Variants in DOCK5 observed in about 807,000 individuals in gnomAD.
DOCK5 encodes dedicator of cytokinesis 5, also known as dedicator of cytokinesis protein 5.
DOCK5 carries 142 observed loss-of-function variants against 251.8 expected under a neutral mutation model. That is an observed-to-expected ratio of 0.56 (90% CI 0.49 to 0.65). DOCK5 has a LOEUF of 0.65. Among genes scored for constraint, DOCK5 ranks in the 30% least tolerant of loss-of-function variants. The pLI, the probability that DOCK5 is intolerant of heterozygous loss-of-function variation, is 0.00. For synonymous variants in DOCK5, 842 were observed against 835.5 expected (o/e 1.01, Z -0.13); for missense variants, 2,111 against 2,312.3 (o/e 0.91, Z 1.79).
At chr8:25,259,804 G>A (rs1302949016) in intron 2 of DOCK5, among the ~76,000 whole-genome samples, 1 of 152,174 alleles carries the variant, frequency 6.6e-6, no homozygotes, top group East Asian at 1.9e-4. Flanking sequence ...TGAGCTGTGA[G>A]TTCTTTCCAA....
chr8:25,302,308 T>C lies in DOCK5; in HGVS notation c.847-17T>C. The stretch of plus-strand genomic sequence containing the variant: ...GGTCCAGCCCCACCTCCTCTCACAC[T>C]TTCTCTGCCCCTTTAGGACCTTAGC... On this transcript the variant is annotated splice_polypyrimidine_tract_variant and intron_variant, in intron 9 of 51. Transcript: ENST00000276440. 1.9e-6 allele frequency: 3 copies of C among 1,579,950 alleles called. No homozygotes were observed. The highest frequency in any genetic ancestry group is 2.6e-6 in the Non-Finnish European group (3 of 1,160,858).
At position 25,332,676 on chromosome 8, in the gene DOCK5, T is replaced by C. The variant is rs751059225; in HGVS notation, c.2075T>C (p.Leu692Pro). The C allele has an allele frequency of 1.2e-6, 2 of 1,612,172 alleles. No individual in the cohort carries two copies. Among genetic ancestry groups the C allele is most frequent in the Non-Finnish European group, 1.7e-6 (2 of 1,179,272 alleles). The change falls in exon 20 of 52, where the codon CTT becomes CCT. Residue 692 changes from leucine (L) to proline (P), a missense_variant. Around this residue, in one of 3 missense-constraint regions of DOCK5, gnomAD observed 1,717 missense variants for 1,892.4 expected, o/e 0.91. Transcript: ENST00000276440. ...EMSDSETYDFLVFDALVFIIS... is the reference protein window; with the variant it reads ...EMSDSETYDFPVFDALVFIIS... Reference sequence around the variant, plus strand: ...TCAGACAGTGAAACCTATGACTTCCTTGTGTTTGACGCACTGGTAAGCAGT... The same window carrying C: ...TCAGACAGTGAAACCTATGACTTCCCTGTGTTTGACGCACTGGTAAGCAGT...
chr8:25,209,125 C>T (rs547952453), intron 1 of DOCK5, among the ~76,000 whole-genome samples: 36 of 152,234 alleles, frequency 2.4e-4, no homozygotes, highest in Admixed American at 2.0e-3. Flanking sequence ...GAAGATGCCG[C>T]GGGTGCACTG....
chr8:25,296,464 A>T (rs774894495), intron 6 of DOCK5, 49 bp from the exon 7 acceptor site: 1 of 1,578,344 alleles, frequency 6.3e-7, no homozygotes, highest in Non-Finnish European at 8.6e-7. Flanking sequence ...CCTCAGTAAA[A>T]AGTCTGCCCC....
intron 3 of DOCK5, among the ~76,000 whole-genome samples, chr8:25,270,227 C>T (rs1274349269): frequency 6.6e-6 from 1 of 152,092 alleles, no homozygotes; most frequent in Admixed American, 6.5e-5. Context: ...TATTTCAAAC[C>T]AAATTATTTT....
chr8:25,369,751 G>A, intron 34 of DOCK5, 110 bp downstream of exon 34: 2 of 827,536 alleles, frequency 2.4e-6, no homozygotes, highest in East Asian at 5.4e-5. Flanking sequence ...GAGTCACTAG[G>A]GCCACCCCCA....
intron 9 of DOCK5, among the ~76,000 whole-genome samples, chr8:25,301,922 A>G (rs888281343): frequency 4.6e-5 from 7 of 152,310 alleles, no homozygotes; most frequent in Admixed American, 3.3e-4. Flanking sequence ...GTGGATACCC[A>G]ATAAATGTCA....
At chr8:25,323,723 G>A (rs1354012155) in intron 16 of DOCK5, 125 bp from the exon 17 acceptor site, 3 of 1,038,090 alleles carry the variant, frequency 2.9e-6, no homozygotes, top group African/African-American at 1.6e-5. Context: ...ATTGCAGTTT[G>A]CTCAGTTGTG....
chr8:25,186,749 A>G (rs1801440555), intron 1 of DOCK5, among the ~76,000 whole-genome samples: 2 of 152,194 alleles, frequency 1.3e-5, no homozygotes, highest in Non-Finnish European at 1.5e-5. Flanking sequence ...TATCAGGATT[A>G]AAAGCTCTTT....
intron 5 of DOCK5, among the ~76,000 whole-genome samples, chr8:25,279,933 G>A (rs1255824441): frequency 2.0e-5 from 3 of 151,698 alleles, no homozygotes; most frequent in African/African-American, 2.4e-5. Flanking sequence ...CTAATTTTGT[G>A]TGTGTGTTTT....
intron 1 of DOCK5, among the ~76,000 whole-genome samples, chr8:25,197,739 A>G (rs1196810157): frequency 1.4e-5 from 2 of 143,916 alleles, no homozygotes; most frequent in Non-Finnish European, 3.0e-5. Context: ...ACATGCAACC[A>G]TGCCAAGCTA....
chr8:25,344,454 C>A (rs779308477), intron 25 of DOCK5, among the ~76,000 whole-genome samples: 11 of 152,154 alleles, frequency 7.2e-5, no homozygotes, highest in Non-Finnish European at 1.3e-4. Context: ...CAACGTTAAA[C>A]AAGTTGAGTG....
Position 25,308,860 on chromosome 8 carries a change from A to G in DOCK5, c.1127A>G (p.Asn376Ser), listed in dbSNP as rs1357513727. 1 of 1,613,914 alleles carries G rather than the reference A, an allele frequency of 6.2e-7. No homozygotes were observed. Residue 376 changes from asparagine to serine, a missense_variant, in exon 12 of 52, where the codon AAT becomes AGT. Physicochemically the swap from Asn to Ser is conservative, Grantham distance 46. Around this residue, in one of 3 missense-constraint regions of DOCK5, gnomAD observed 1,717 missense variants for 1,892.4 expected, o/e 0.91. Transcript: ENST00000276440. Reference protein sequence around the residue: ...PLITSHVIGENEPLTSVLNKV... With the variant: ...PLITSHVIGESEPLTSVLNKV... ...ATAACATCACACGTGATTGGGGAGAATGAGCCACTCACTTCAGTCTTGAAT... is the reference window on the plus strand; with the variant it reads ...ATAACATCACACGTGATTGGGGAGAGTGAGCCACTCACTTCAGTCTTGAAT...
chr8:25,286,137 G>A (rs941241235), intron 5 of DOCK5, among the ~76,000 whole-genome samples: 1 of 152,044 alleles, frequency 6.6e-6, no homozygotes, highest in Admixed American at 6.6e-5. Context: ...TCTTCTTCCC[G>A]GGGTCCCTGG....
At chr8:25,364,850 C>T (rs1261339776) in intron 30 of DOCK5, 146 bp downstream of exon 30, 1 of 595,224 alleles carries the variant, frequency 1.7e-6, no homozygotes, top group Admixed American at 3.0e-5. Context: ...AGCACATATG[C>T]CTGTCACACT....
Position 25,377,431 on chromosome 8 carries a change from AT to A in DOCK5, c.3936+9del. On this transcript the variant is annotated splice_region_variant and intron_variant, in intron 38 of 51. Coordinates refer to ENST00000276440, the MANE Select transcript of DOCK5 (RefSeq NM_024940.8). ...ATATTTCGACAAAGGCAAAGTGAGTATTGGATTGTTTTTGTACTAGGGGAAA... is the reference window on the plus strand; with the variant it reads ...ATATTTCGACAAAGGCAAAGTGAGTATGGATTGTTTTTGTACTAGGGGAAA... The A allele has an allele frequency of 3.1e-6, 5 of 1,612,406 alleles. No homozygotes were observed. Among genetic ancestry groups the A allele is most frequent in the Non-Finnish European group, 4.2e-6 (5 of 1,179,200 alleles).
At chr8:25,202,283 G>A (rs1386543070) in intron 1 of DOCK5, among the ~76,000 whole-genome samples, 1 of 152,152 alleles carries the variant, frequency 6.6e-6, no homozygotes, top group Non-Finnish European at 1.5e-5. Flanking sequence ...CTCCCAAACT[G>A]TTGGCATTAC....
In DOCK5 at chr8:25,306,643, A is replaced by T. The variant is rs1054297947; in HGVS notation, c.1050-2140A>T. Among the ~76,000 whole-genome samples, 6 of 151,994 alleles carry T rather than the reference A, an allele frequency of 3.9e-5. No individual in the cohort carries two copies. The South Asian group carries it at 6.2e-4, about 16-fold the overall frequency. The stretch of plus-strand genomic sequence containing the variant: ...TGGAAGGTGGAGCTTGCAGTGAGCC[A>T]AGATCACGCCACTGCACTCCAGCCT... On this transcript the variant is annotated intron_variant, in intron 11 of 51. Transcript: ENST00000276440.
intron 20 of DOCK5, among the ~76,000 whole-genome samples, 152 bp from the exon 21 acceptor site, chr8:25,333,944 C>T (rs1190109528): frequency 6.6e-6 from 1 of 152,118 alleles, no homozygotes; most frequent in African/African-American, 2.4e-5. Flanking sequence ...ATACAATCCT[C>T]AAGACTTGAC....
Sources: gnomAD v4.1 joint callset for allele counts (sites outside exome capture counted in the v4.1 genomes callset) on GRCh38, gnomAD v4.1.1 for gene constraint, gnomAD v4.1.1 regional missense constraint, MANE v1.5 for transcripts, NCBI Gene and HGNC (gene_info 2026-07-23, HGNC 2026-07-21) for gene names.